TENT2: variants seen among roughly 807,000 people sequenced by gnomAD.
The protein encoded by TENT2 is terminal nucleotidyltransferase 2.
Under a neutral mutation model 72.2 loss-of-function variants are expected in TENT2, and 44 were observed. The observed-to-expected ratio is 0.61, with a 90% CI of 0.48 to 0.78. The LOEUF is 0.78. TENT2 is among the 30% of genes least tolerant of loss of function. TENT2 has a pLI of 0.00. For missense variants in TENT2, 541 were observed against 569.6 expected (o/e 0.95, Z 0.51); for synonymous variants, 212 against 192.5 (o/e 1.10, Z -0.84).
chr5:79,650,643 G>A (rs1793137946), intron 10 of TENT2, among the ~76,000 whole-genome samples: 1 of 152,088 alleles, frequency 6.6e-6, no homozygotes, highest in Admixed American at 6.6e-5. Context: ...ATGATTTGAT[G>A]CCCTTATAGC....
chr5:79,633,997 C>CAAA (rs562252526), intron 4 of TENT2, among the ~76,000 whole-genome samples: 47 of 70,490 alleles, frequency 6.7e-4, no homozygotes, highest in African/African-American at 1.6e-3. Context: ...ACTAAAAATA[C>CAAA]AAAAAAAAAA....
intron 11 of TENT2, among the ~76,000 whole-genome samples, chr5:79,657,461 A>G (rs917888438): frequency 6.6e-6 from 1 of 152,130 alleles, no homozygotes; most frequent in Non-Finnish European, 1.5e-5. Flanking sequence ...TTGCTAAGTA[A>G]TACACCACAA....
At chr5:79,653,470 C>T (rs1218565675) in intron 10 of TENT2, among the ~76,000 whole-genome samples, 1 of 152,202 alleles carries the variant, frequency 6.6e-6, no homozygotes, top group East Asian at 1.9e-4. Context: ...TTCAGCCTGA[C>T]CAGCAGAGTG....
intron 1 of TENT2, among the ~76,000 whole-genome samples, chr5:79,618,209 T>C (rs899386858): frequency 6.6e-6 from 1 of 152,166 alleles, no homozygotes; most frequent in Non-Finnish European, 1.5e-5. Flanking sequence ...GCTTTCAATT[T>C]TATAATTTCC....
chr5:79,651,790 T>G (rs1794315041), intron 10 of TENT2, among the ~76,000 whole-genome samples: 1 of 152,082 alleles, frequency 6.6e-6, no homozygotes, highest in African/African-American at 2.4e-5. Context: ...ATTATTTGAC[T>G]AAAGTGTTTA....
At position 79,643,729 on chromosome 5, in the gene TENT2, A is replaced by T. The variant is rs75241809; in HGVS notation, c.751+819A>T. ...TAAAGAATAATTCATACCTACTTGA[A>T]TTTTTAATAGCTATTTGAATCAAAA... On this transcript the variant is annotated intron_variant, in intron 7 of 14. Transcript: ENST00000453514. Among the ~76,000 whole-genome samples, 528 of 152,316 alleles carry T rather than the reference A, an allele frequency of 3.5e-3. 2 individuals carry two copies. The highest frequency in any genetic ancestry group is 0.012 in the African/African-American group (507 of 41,578).
chr5:79,650,855 A>G (rs921639562), intron 10 of TENT2, among the ~76,000 whole-genome samples: 3 of 152,014 alleles, frequency 2.0e-5, no homozygotes, highest in South Asian at 2.1e-4. Context: ...CTAGTATAGG[A>G]GGATAGATAG....
chr5:79,668,278 G>T (rs1810089665), intron 11 of TENT2, among the ~76,000 whole-genome samples: 2 of 151,978 alleles, frequency 1.3e-5, no homozygotes, highest in African/African-American at 4.8e-5. Flanking sequence ...TTGCTTGTTG[G>T]TATGTTTCCT....
At chr5:79,675,887 A>G (rs1439700355) in intron 12 of TENT2, among the ~76,000 whole-genome samples, 1 of 152,098 alleles carries the variant, frequency 6.6e-6, no homozygotes, top group Non-Finnish European at 1.5e-5. Flanking sequence ...ACATCAGATT[A>G]TTGGAGCCTA....
At chr5:79,617,106 T>A (rs1760837616) in intron 1 of TENT2, among the ~76,000 whole-genome samples, 1 of 151,800 alleles carries the variant, frequency 6.6e-6, no homozygotes, top group East Asian at 1.9e-4. Flanking sequence ...CTAGTTTTAC[T>A]TTACTCTGTT....
chr5:79,683,164 A>C (rs1823378691), intron 14 of TENT2, among the ~76,000 whole-genome samples: 1 of 152,134 alleles, frequency 6.6e-6, no homozygotes, highest in African/African-American at 2.4e-5. Context: ...AAAATGAATA[A>C]AAATAATGGC....
chr5:79,616,841 T>A (rs1760558374), intron 1 of TENT2, among the ~76,000 whole-genome samples: 1 of 152,212 alleles, frequency 6.6e-6, no homozygotes, highest in African/African-American at 2.4e-5. Context: ...GTCAGGCATT[T>A]AGGATGAGGT....
In TENT2 at chr5:79,623,428, C is replaced by G. The variant is rs1427205772; in HGVS notation, c.404C>G (p.Pro135Arg). ...CCAGATATAGTCAGATGTGTTCCAC[C>G]TTTTCGAGAAATTGCATTTTTAGAA... is the stretch of plus-strand genomic sequence containing the variant. ...YVPDIVRCVP[P>R]FREIAFLEPR... The change falls in exon 4 of 15, where the codon CCT becomes CGT. Residue 135 changes from proline (P) to arginine (R), a missense_variant. Physicochemically the swap from Pro to Arg is moderately radical, Grantham distance 103 (BLOSUM62 -2). Transcript: ENST00000453514. The G allele has an allele frequency of 6.2e-7, 1 of 1,611,596 alleles. No homozygotes were observed. The highest frequency in any genetic ancestry group is 1.7e-5 in the Admixed American group (1 of 59,552).
chr5:79,668,020 C>T (rs1178421871), intron 11 of TENT2, among the ~76,000 whole-genome samples: 2 of 150,854 alleles, frequency 1.3e-5, no homozygotes, highest in East Asian at 3.9e-4. Flanking sequence ...TGGCACTGTG[C>T]AAATTACCTT....
chr5:79,614,703 A>G (rs1364761332), intron 1 of TENT2, among the ~76,000 whole-genome samples: 1 of 152,204 alleles, frequency 6.6e-6, no homozygotes, highest in East Asian at 1.9e-4. Context: ...TTTCATTCAG[A>G]GTATGAAGAA....
chr5:79,614,275 G>A (rs1455628652), intron 1 of TENT2, among the ~76,000 whole-genome samples: 3 of 151,678 alleles, frequency 2.0e-5, no homozygotes, highest in Non-Finnish European at 4.4e-5. Flanking sequence ...GCTAATTTTT[G>A]TATTTTTAGT....
intron 8 of TENT2, among the ~76,000 whole-genome samples, chr5:79,646,028 A>G (rs573662199): frequency 2.0e-5 from 3 of 152,316 alleles, no homozygotes; most frequent in East Asian, 3.9e-4. Context: ...TCCAGCTGAG[A>G]TAGAATTAGG....
intron 12 of TENT2, among the ~76,000 whole-genome samples, chr5:79,676,163 TACACACAC>T (rs59618310): frequency 0.19 from 28,692 of 147,346 alleles, 4,210 homozygotes; most frequent in African/African-American, 0.41. Flanking sequence ...TATATATGTA[TACACACAC>T]ACACACACAC....
rs534458536 is a variant in TENT2 at position 79,645,000 on chromosome 5, T to G, written c.752-123T>G. 2.3e-5 allele frequency: 18 copies of G among 773,004 alleles called. No individual in the cohort carries two copies. In the South Asian group the frequency reaches 3.7e-4, roughly 16 times the overall value. 47.9% of individuals were successfully genotyped at this position (773,004 alleles called of 1,614,324 possible). On this transcript the variant is annotated intron_variant, in intron 7 of 14. Transcript: ENST00000453514. ...TTGATAATGTCCTCACTTGTATTCT[T>G]TTTCAAAGACGTTTTCTTAAATTAT...
Sources: gnomAD v4.1 joint callset for allele counts (sites outside exome capture counted in the v4.1 genomes callset) on GRCh38, gnomAD v4.1.1 for gene constraint, MANE v1.5 for transcripts, NCBI Gene and HGNC (gene_info 2026-07-23, HGNC 2026-07-21) for gene names.